Variants in RPTOR observed in about 807,000 individuals in gnomAD.
RPTOR encodes the protein regulatory associated protein of MTOR complex 1.
A neutral mutation model predicts 169.9 loss-of-function variants in RPTOR; 21 were observed. The ratio of observed to expected loss-of-function variants is 0.12; its 90% confidence interval spans 0.09 to 0.18. The LOEUF (loss-of-function observed/expected upper bound fraction) is 0.18. RPTOR is among the 10% of genes least tolerant of loss of function. RPTOR has a pLI of 1.00. For missense variants in RPTOR, 1,133 were observed against 1,855.9 expected, an observed-to-expected ratio of 0.61 and a Z score of 7.16; for synonymous variants, 732 against 753.2, an observed-to-expected ratio of 0.97 and a Z score of 0.46.
In RPTOR at chr17:80,947,900, T is replaced by C. The variant is rs1359341303; in HGVS notation, c.3265+549T>C. Among the ~76,000 whole-genome samples the C allele has an allele frequency of 6.6e-6, 1 of 152,206 alleles. No homozygotes were observed. The highest frequency in any genetic ancestry group is 1.9e-4 in the East Asian group (1 of 5,194). On this transcript the variant is annotated intron_variant, in intron 27 of 33. Transcript: ENST00000306801. The surrounding 1 kb of genome is among the most constrained non-coding windows in gnomAD (Gnocchi z 4.4). ...GGTCTCACTCAGGTTTTGGTTTTCT[T>C]GGGTTTTCGGGGGGTTTTTTGGAGG...
intron 1 of RPTOR, among the ~76,000 whole-genome samples, chr17:80,613,396 G>A (rs1315735806): frequency 3.3e-5 from 5 of 152,206 alleles, no homozygotes; most frequent in South Asian, 2.1e-4. Context: ...TCAGGGCACC[G>A]CAGCCCCAGG....
At chr17:80,813,003 T>C (rs972938503) in intron 7 of RPTOR, among the ~76,000 whole-genome samples, 4 of 152,242 alleles carry the variant, frequency 2.6e-5, no homozygotes, top group Admixed American at 1.3e-4. Flanking sequence ...TTCCCGTTCC[T>C]GTCCCTCTGC....
At chr17:80,924,765 C>A (rs775934491) in intron 23 of RPTOR, among the ~76,000 whole-genome samples, 1 of 152,216 alleles carries the variant, frequency 6.6e-6, no homozygotes, top group Non-Finnish European at 1.5e-5. Context: ...GGCCACATGG[C>A]GTGGCACAGG....
At chr17:80,701,493 A>T (rs1178131966) in intron 3 of RPTOR, among the ~76,000 whole-genome samples, 2 of 152,214 alleles carry the variant, frequency 1.3e-5, no homozygotes, top group East Asian at 3.9e-4. Flanking sequence ...GAAGAAGGTC[A>T]GGTCCGCCTA....
intron 24 of RPTOR, among the ~76,000 whole-genome samples, chr17:80,927,251 A>G (rs1344460864): frequency 6.6e-6 from 1 of 152,180 alleles, no homozygotes; most frequent in Non-Finnish European, 1.5e-5. Flanking sequence ...TAATGTTAAC[A>G]AGCTTGGTGT....
chr17:80,837,307 A>G (rs1035780433), intron 9 of RPTOR, among the ~76,000 whole-genome samples: 1 of 152,204 alleles, frequency 6.6e-6, no homozygotes, highest in Admixed American at 6.5e-5. Flanking sequence ...GGGAGGCAGC[A>G]GGAACTGACT....
chr17:80,919,048 G>A (rs553439931), intron 21 of RPTOR, among the ~76,000 whole-genome samples: 21 of 152,190 alleles, frequency 1.4e-4, no homozygotes, highest in Non-Finnish European at 2.8e-4. Context: ...CCACTGACGC[G>A]GCGTTCTCTT....
intron 1 of RPTOR, among the ~76,000 whole-genome samples, chr17:80,580,479 G>T (rs752411460): frequency 6.6e-6 from 1 of 152,124 alleles, no homozygotes; most frequent in Non-Finnish European, 1.5e-5. Context: ...ACGCTTGACC[G>T]TTTCATTGTT....
chr17:80,699,547 C>T (rs576483112), intron 3 of RPTOR, among the ~76,000 whole-genome samples: 5 of 121,946 alleles, frequency 4.1e-5, no homozygotes, highest in South Asian at 2.9e-4. Flanking sequence ...GTGCTGTGCA[C>T]GGTGCCCTGG....
rs2066522348 is a variant in RPTOR at position 80,743,891 on chromosome 17, TGTC to T, written c.655-10118_655-10116del. Among the ~76,000 whole-genome samples, 22 of 33,742 alleles carry T rather than the reference TGTC, an allele frequency of 6.5e-4. 2 individuals are homozygous for T. Among genetic ancestry groups the T allele is most frequent in the African/African-American group, 5.9e-3 (21 of 3,588 alleles). 22.1% of individuals were successfully genotyped at this position (33,742 alleles called of 152,430 possible). A position where few individuals can be genotyped will look rare whatever the true frequency, so the allele number is the denominator to read the frequency against. ...CTAGCACAGCCCTGGCTACTAGCAC[TGTC>T]CTGGTTACGAGCACAGCCCTGGTTA... On this transcript the variant is annotated intron_variant, in intron 5 of 33. Coordinates refer to ENST00000306801, the MANE Select transcript of RPTOR (RefSeq NM_020761.3).
At chr17:80,805,149 G>A (rs1216184208) in intron 7 of RPTOR, 1 of 152,218 alleles carries the variant, frequency 6.6e-6, no homozygotes, top group African/African-American at 2.4e-5. Context: ...TCTTTTCAGA[G>A]ACAGAAAGAT....
chr17:80,648,062 G>A lies in RPTOR; in HGVS notation c.348+4252G>A, dbSNP rs1055922147. Reference sequence around the variant, plus strand: ...TTTATAGTGCCTAACCCCAAGCAGAGTATGTTCAAGGAGAGAACAAAACAG... The same window carrying A: ...TTTATAGTGCCTAACCCCAAGCAGAATATGTTCAAGGAGAGAACAAAACAG... On this transcript the variant is annotated intron_variant, in intron 3 of 33. Transcript: ENST00000306801. Among the ~76,000 whole-genome samples, 11 of 152,272 alleles carry A rather than the reference G, an allele frequency of 7.2e-5. No homozygotes were observed. The East Asian group carries it at 2.1e-3, about 29-fold the overall frequency.
At chr17:80,901,859 T>C (rs2068480732) in intron 20 of RPTOR, among the ~76,000 whole-genome samples, 1 of 152,030 alleles carries the variant, frequency 6.6e-6, no homozygotes, top group African/African-American at 2.4e-5. Flanking sequence ...CTTGCATTCT[T>C]ACACCCTCAG....
chr17:80,619,500 A>G (rs953757590), intron 1 of RPTOR, among the ~76,000 whole-genome samples: 1 of 152,168 alleles, frequency 6.6e-6, no homozygotes, highest in Non-Finnish European at 1.5e-5. Context: ...ACAGGCGTTA[A>G]TAGGTTTTTC....
At chr17:80,892,388 G>A (rs764799649) in intron 18 of RPTOR, among the ~76,000 whole-genome samples, 8 of 152,324 alleles carry the variant, frequency 5.3e-5, no homozygotes, top group South Asian at 2.1e-4. Context: ...GAGTGTGGAC[G>A]GTCATTGCTC....
At chr17:80,601,492 T>C (rs185182516) in intron 1 of RPTOR, among the ~76,000 whole-genome samples, 139 of 152,040 alleles carry the variant, frequency 9.1e-4, no homozygotes, top group African/African-American at 3.3e-3. Context: ...CATCCCAGCC[T>C]TCTTTAAACT....
chr17:80,576,628 A>G (rs1008245032), intron 1 of RPTOR, among the ~76,000 whole-genome samples: 1 of 152,194 alleles, frequency 6.6e-6, no homozygotes, highest in African/African-American at 2.4e-5. Context: ...TGACTGAAAG[A>G]CTTCAGAATT....
chr17:80,784,561 T>TA (rs2066972650), intron 6 of RPTOR, among the ~76,000 whole-genome samples: 1 of 148,648 alleles, frequency 6.7e-6, no homozygotes, highest in Non-Finnish European at 1.5e-5. Flanking sequence ...CCAGCTAATT[T>TA]TTTGTATTTT....
chr17:80,556,336 G>A (rs184140377), intron 1 of RPTOR, among the ~76,000 whole-genome samples: 1 of 152,202 alleles, frequency 6.6e-6, no homozygotes, highest in East Asian at 1.9e-4. Flanking sequence ...ACAAAGTGAG[G>A]CCCTGTCTCT....
Sources: gnomAD v4.1 joint callset for allele counts (sites outside exome capture counted in the v4.1 genomes callset) on GRCh38, gnomAD v4.1.1 for gene constraint, Gnocchi (gnomAD v3.1) non-coding constraint, MANE v1.5 for transcripts, NCBI Gene and HGNC (gene_info 2026-07-23, HGNC 2026-07-21) for gene names.